SPAG16: variants seen among roughly 807,000 people sequenced by gnomAD.
The protein encoded by SPAG16 is sperm-associated antigen 16 protein.
A neutral mutation model predicts 80.4 loss-of-function variants in SPAG16; 86 were observed. The ratio of observed to expected loss-of-function variants is 1.07; its 90% CI spans 0.90 to 1.28. The LOEUF is 1.28. Among genes scored for constraint, SPAG16 ranks in the 50% most tolerant of loss-of-function variants. The pLI, the probability that SPAG16 is intolerant of heterozygous loss-of-function variation, is 0.00. For missense variants in SPAG16, 870 were observed against 765.3 expected, an observed-to-expected ratio of 1.14 and a Z score of -1.61; for synonymous variants, 294 against 265.9, an observed-to-expected ratio of 1.11 and a Z score of -1.03.
chr2:213,438,692 G>T (rs2070773393), intron 9 of SPAG16, among the ~76,000 whole-genome samples: 5 of 152,154 alleles, frequency 3.3e-5, no homozygotes, highest in Admixed American at 3.3e-4. Flanking sequence ...TGACGAGATG[G>T]TACTCCTGGG....
chr2:213,342,575 C>T (rs760538529), intron 6 of SPAG16, among the ~76,000 whole-genome samples: 3 of 151,430 alleles, frequency 2.0e-5, no homozygotes, highest in Non-Finnish European at 4.4e-5. Context: ...AAATTAATGA[C>T]GTTTATAAAT....
At chr2:213,932,158 ATAT>A (rs1462587986) in intron 12 of SPAG16, among the ~76,000 whole-genome samples, 2 of 8,902 alleles carry the variant, frequency 2.2e-4, no homozygotes, top group African/African-American at 4.7e-4. Flanking sequence ...ATATATATAT[ATAT>A]ATATATATAT....
At chr2:214,000,470 A>T (rs1039597826) in intron 12 of SPAG16, among the ~76,000 whole-genome samples, 1 of 152,154 alleles carries the variant, frequency 6.6e-6, no homozygotes, top group African/African-American at 2.4e-5. Flanking sequence ...ACAGACTAAT[A>T]TAGGAAGTAA....
chr2:213,827,757 C>T (rs1450544846), intron 10 of SPAG16, among the ~76,000 whole-genome samples: 1 of 151,886 alleles, frequency 6.6e-6, no homozygotes, highest in African/African-American at 2.4e-5. Flanking sequence ...CTTTATTTTT[C>T]CTTCATGTTT....
chr2:213,298,732 C>A (rs919286261), intron 3 of SPAG16, among the ~76,000 whole-genome samples: 5 of 152,134 alleles, frequency 3.3e-5, no homozygotes, highest in African/African-American at 4.8e-5. Context: ...ATCAGTAATT[C>A]TTCTTTTATC....
chr2:214,103,007 G>T lies in SPAG16; in HGVS notation c.1528-5189G>T, dbSNP rs1459047240. Among the ~76,000 whole-genome samples, 5 of 152,096 alleles carry T rather than the reference G, an allele frequency of 3.3e-5. No homozygotes were observed. In the East Asian group the frequency reaches 9.7e-4, roughly 29 times the overall value. On this transcript the variant is annotated intron_variant, in intron 13 of 15. Transcript: ENST00000331683. ...AGGGTGGGCTTCCCGCATGCGCAGT[G>T]TTTTCCTTACCCTTTGGAATTGAGC... is the stretch of plus-strand genomic sequence containing the variant.
chr2:213,767,042 T>C (rs2068972057), intron 10 of SPAG16, among the ~76,000 whole-genome samples: 1 of 152,190 alleles, frequency 6.6e-6, no homozygotes, highest in Non-Finnish European at 1.5e-5. Context: ...GTTGTTTTTG[T>C]GGACATAGCC....
At chr2:213,925,987 T>A (rs2078456597) in intron 11 of SPAG16, among the ~76,000 whole-genome samples, 1 of 152,190 alleles carries the variant, frequency 6.6e-6, no homozygotes. Flanking sequence ...CACCACTGTT[T>A]ATCCTGTTTG....
chr2:214,361,488 G>A (rs1014072205), intron 15 of SPAG16, among the ~76,000 whole-genome samples: 17 of 151,768 alleles, frequency 1.1e-4, no homozygotes, highest in Admixed American at 3.9e-4. Flanking sequence ...TAGTCTAACC[G>A]TGAGATCACT....
chr2:213,741,541 GT>G (rs2067554626), intron 10 of SPAG16, among the ~76,000 whole-genome samples: 1 of 152,096 alleles, frequency 6.6e-6, no homozygotes, highest in South Asian at 2.1e-4. Context: ...ATAAATTAAA[GT>G]TTAGTCAAAG....
chr2:214,316,144 G>GT (rs11292950), intron 15 of SPAG16, among the ~76,000 whole-genome samples: 5 of 145,226 alleles, frequency 3.4e-5, no homozygotes, highest in African/African-American at 7.5e-5. Flanking sequence ...TACTTTTTGG[G>GT]TTTTTTTTTT....
chr2:213,678,199 A>G (rs1209294946), intron 10 of SPAG16, among the ~76,000 whole-genome samples: 1 of 152,194 alleles, frequency 6.6e-6, no homozygotes, highest in Non-Finnish European at 1.5e-5. Context: ...TAACATCACA[A>G]TTAAAAGAAC....
intron 13 of SPAG16, among the ~76,000 whole-genome samples, chr2:214,042,130 G>T (rs2049067212): frequency 6.7e-6 from 1 of 148,990 alleles, no homozygotes; most frequent in Non-Finnish European, 1.5e-5. Context: ...CTGTTGCCCA[G>T]ACTGAAGTGC....
At chr2:213,705,506 G>C (rs980919231) in intron 10 of SPAG16, among the ~76,000 whole-genome samples, 12 of 152,112 alleles carry the variant, frequency 7.9e-5, no homozygotes, top group African/African-American at 2.9e-4. Context: ...GTGGGGGAAA[G>C]AAGGAAACAG....
chr2:213,458,870 C>G (rs77618194), intron 9 of SPAG16, among the ~76,000 whole-genome samples: 1 of 151,992 alleles, frequency 6.6e-6, no homozygotes, highest in Non-Finnish European at 1.5e-5. Flanking sequence ...TCAGTAATTA[C>G]GTTTTAATAT....
At chr2:213,627,193 C>T (rs1006836402) in intron 10 of SPAG16, among the ~76,000 whole-genome samples, 4 of 152,166 alleles carry the variant, frequency 2.6e-5, no homozygotes, top group Non-Finnish European at 5.9e-5. Context: ...GCGGGATCCT[C>T]ACTATTGAAG....
intron 13 of SPAG16, among the ~76,000 whole-genome samples, chr2:214,069,041 A>T (rs1320836679): frequency 6.6e-6 from 1 of 152,178 alleles, no homozygotes; most frequent in East Asian, 1.9e-4. Context: ...CCCAAGTTGT[A>T]TATGCTTTTA....
intron 9 of SPAG16, among the ~76,000 whole-genome samples, chr2:213,433,200 C>A (rs2070409373): frequency 6.6e-6 from 1 of 152,126 alleles, no homozygotes; most frequent in Non-Finnish European, 1.5e-5. Context: ...TAGAACAAGA[C>A]AAGAATGTGC....
intron 11 of SPAG16, among the ~76,000 whole-genome samples, chr2:213,890,425 C>G (rs1028014994): frequency 6.6e-6 from 1 of 151,980 alleles, no homozygotes; most frequent in Admixed American, 6.6e-5. Flanking sequence ...TGTGCGTGAG[C>G]TACACAAAAT....
Sources: gnomAD v4.1 joint callset for allele counts (sites outside exome capture counted in the v4.1 genomes callset) on GRCh38, gnomAD v4.1.1 for gene constraint, MANE v1.5 for transcripts, NCBI Gene and HGNC (gene_info 2026-07-23, HGNC 2026-07-21) for gene names.